TXNDC8: variants seen among roughly 807,000 people sequenced by gnomAD.
The protein encoded by TXNDC8 is thioredoxin domain containing 8, also known as thioredoxin domain-containing protein 8.
TXNDC8 carries 15 observed loss-of-function variants against 12.9 expected under a neutral mutation model. That is an observed-to-expected ratio of 1.16 (90% confidence interval 0.78 to 1.79). The LOEUF (loss-of-function observed/expected upper bound fraction) is 1.79, where lower values mean the gene tolerates loss of function less well. Among genes scored for constraint, TXNDC8 ranks in the 40% most tolerant of loss-of-function variants. TXNDC8 has a pLI of 0.00. For synonymous variants in TXNDC8, 40 were observed against 35.4 expected (o/e 1.13, Z -0.46); for missense variants, 128 against 113.2 (o/e 1.13, Z -0.59).
chr9:110,308,766 A>G (rs1838553168), intron 3 of TXNDC8, among the ~76,000 whole-genome samples: 2 of 152,202 alleles, frequency 1.3e-5, no homozygotes, highest in South Asian at 4.1e-4. Flanking sequence ...GAAGGCTTCT[A>G]ACGATTTGAA....
intron 3 of TXNDC8, among the ~76,000 whole-genome samples, chr9:110,312,000 A>G (rs372118942): frequency 3.3e-5 from 5 of 151,322 alleles, no homozygotes; most frequent in African/African-American, 7.3e-5. Flanking sequence ...GCAGTTCTCC[A>G]GGGAGAGCTG....
chr9:110,304,379 G>A, intron 4 of TXNDC8, 88 bp downstream of exon 5: 1 of 1,203,966 alleles, frequency 8.3e-7, no homozygotes, highest in Non-Finnish European at 1.2e-6. Context: ...TCTCCAGGCA[G>A]CAGCATTCTG....
intron 3 of TXNDC8, among the ~76,000 whole-genome samples, chr9:110,308,670 T>A (rs1838549317): frequency 6.9e-6 from 1 of 145,652 alleles, no homozygotes; most frequent in South Asian, 2.2e-4. Context: ...TTCCTGTCTT[T>A]AAAAAAAAAA....
intron 3 of TXNDC8, among the ~76,000 whole-genome samples, chr9:110,309,205 AAAC>A (rs1001651706): frequency 5.3e-5 from 8 of 152,148 alleles, no homozygotes; most frequent in African/African-American, 1.7e-4. Flanking sequence ...CTCGGAAGAG[AAAC>A]AACATTTGCT....
At chr9:110,314,438 CT>C (rs568341622) in intron 3 of TXNDC8, among the ~76,000 whole-genome samples, 86 of 124,580 alleles carry the variant, frequency 6.9e-4, no homozygotes, top group Admixed American at 7.2e-4. Context: ...TTTCTTTTTT[CT>C]TTTTTTTTTT....
downstream of TXNDC8, among the ~76,000 whole-genome samples, chr9:110,301,715 G>A (rs1053361545): frequency 1.3e-5 from 2 of 152,174 alleles, no homozygotes; most frequent in African/African-American, 4.8e-5. Context: ...GCAACATAAA[G>A]GATGATTCAG....
rs183231652 is a variant in TXNDC8 at position 110,312,270 on chromosome 9, C to A, written c.196-7738G>T. On this transcript the variant is annotated intron_variant, in intron 3 of 4. Coordinates refer to ENST00000423740, the MANE Select transcript of TXNDC8 (RefSeq NM_001286946.2). ...ATTTGTGAGTATTCTTAACTTATGG[C>A]AATACAGTTATGGCATAAGTGCAAT... Among the ~76,000 whole-genome samples the A allele has an allele frequency of 7.9e-4, 120 of 152,258 alleles. 1 individual carries two copies. The highest frequency in any genetic ancestry group is 2.8e-3 in the African/African-American group (116 of 41,528).
At chr9:110,317,984 T>A (rs77204152) in intron 3 of TXNDC8, among the ~76,000 whole-genome samples, 4,711 of 152,314 alleles carry the variant, frequency 0.031, 227 homozygotes, top group African/African-American at 0.11. Context: ...TTGCTTTGCA[T>A]ACACATCAAT....
At chr9:110,322,901 C>CA in intron 3 of TXNDC8, 1 of 985,400 alleles carries the variant, frequency 1.0e-6, no homozygotes, top group Non-Finnish European at 1.2e-6. Flanking sequence ...ACTGAGCTTT[C>CA]AAATCAGACA....
intron 3 of TXNDC8, chr9:110,322,420 A>G (rs767075349): frequency 1.2e-5 from 12 of 985,328 alleles, no homozygotes; most frequent in Non-Finnish European, 1.4e-5. Context: ...GGAATGCAGG[A>G]TCTATCAATT....
At chr9:110,318,894 A>G (rs1272890406) in intron 3 of TXNDC8, among the ~76,000 whole-genome samples, 1 of 152,222 alleles carries the variant, frequency 6.6e-6, no homozygotes, top group Non-Finnish European at 1.5e-5. Context: ...TTAATCCTGC[A>G]CTTGTCATAT....
chr9:110,316,202 C>A (rs1291653994), intron 3 of TXNDC8, among the ~76,000 whole-genome samples: 1 of 151,988 alleles, frequency 6.6e-6, no homozygotes, highest in Non-Finnish European at 1.5e-5. Flanking sequence ...AGGTGTGAGC[C>A]ACTGTGCCTG....
downstream of TXNDC8, among the ~76,000 whole-genome samples, chr9:110,301,638 C>T (rs1025329293): frequency 6.6e-6 from 1 of 151,992 alleles, no homozygotes; most frequent in African/African-American, 2.4e-5. Context: ...ATAATACATG[C>T]TTAGGAGTTA....
At chr9:110,322,148 A>G (rs1839124248) in intron 3 of TXNDC8, among the ~76,000 whole-genome samples, 1 of 151,864 alleles carries the variant, frequency 6.6e-6, no homozygotes, top group South Asian at 2.1e-4. Context: ...GTTTAGAAGT[A>G]GAGTCATTTG....
chr9:110,325,128 C>A (rs1444126505), intron 3 of TXNDC8, among the ~76,000 whole-genome samples: 1 of 150,742 alleles, frequency 6.6e-6, no homozygotes, highest in Non-Finnish European at 1.5e-5. Context: ...CCCCCACCCC[C>A]GAAAAAAAAA....
intron 3 of TXNDC8, among the ~76,000 whole-genome samples, chr9:110,305,147 CAAAAAAAAAAA>C (rs769344640): frequency 3.5e-5 from 2 of 57,128 alleles, no homozygotes; most frequent in African/African-American, 6.8e-5. Context: ...GATTCTGTCT[CAAAAAAAAAAA>C]AAAAAAAAAA....
Position 110,323,028 on chromosome 9 carries a change from C to G in TXNDC8, c.195+3147G>C. ...AATTATGGAGAAACTTGAATGCCAG[C>G]CTTAAATACAATGGTTTAGCCTTGA... On this transcript the variant is annotated intron_variant, in intron 3 of 4. Transcript: ENST00000423740. 3 of 985,236 alleles carry G rather than the reference C, an allele frequency of 3.0e-6. No individual in the cohort carries two copies. In the South Asian group the frequency reaches 1.4e-4, roughly 46 times the overall value. The allele number at this position is 985,236 out of a possible 1,614,324, so 61.0% of individuals were successfully genotyped here. A position where few individuals can be genotyped will look rare whatever the true frequency, so the allele number is the denominator to read the frequency against.
intron 3 of TXNDC8, among the ~76,000 whole-genome samples, chr9:110,321,500 T>C (rs1325333256): frequency 2.0e-5 from 3 of 152,228 alleles, no homozygotes; most frequent in Non-Finnish European, 4.4e-5. Flanking sequence ...AAGACATTTC[T>C]TGTAAGAAGC....
In TXNDC8 at chr9:110,304,429, CCA is replaced by C; in HGVS notation, c.261+36_261+37del. Reference sequence around the variant, plus strand: ...TATATTTATTCCTTCAAAGTAAACCCCAGATTTCTAACTCTAACTTGATCCCA... The same window carrying C: ...TATATTTATTCCTTCAAAGTAAACCCGATTTCTAACTCTAACTTGATCCCA... On this transcript the variant is annotated intron_variant, in intron 4 of 4. Coordinates refer to ENST00000423740, the MANE Select transcript of TXNDC8 (RefSeq NM_001286946.2). 1.9e-6 allele frequency: 3 copies of C among 1,565,758 alleles called. 1 individual carries two copies. In the South Asian group the frequency reaches 3.4e-5, roughly 18 times the overall value.
Sources: gnomAD v4.1 joint callset for allele counts (sites outside exome capture counted in the v4.1 genomes callset) on GRCh38, gnomAD v4.1.1 for gene constraint, MANE v1.5 for transcripts, NCBI Gene and HGNC (gene_info 2026-07-23, HGNC 2026-07-21) for gene names.